Variants in CCDC171 observed in about 807,000 individuals in gnomAD.
CCDC171 encodes coiled-coil domain-containing protein 171.
CCDC171 carries 177 observed loss-of-function variants against 168.2 expected under a neutral mutation model. The ratio of observed to expected loss-of-function variants is 1.05; its 90% CI spans 0.93 to 1.19. CCDC171 has a LOEUF of 1.19. Ranked by LOEUF, CCDC171 falls within the 50% of genes most tolerant of loss-of-function variation. The probability of loss-of-function intolerance (pLI) is 0.00; values close to 1 mark genes in which losing one functional copy is unlikely to be tolerated. For missense variants in CCDC171, 1,991 were observed against 1,539.0 expected (o/e 1.29, Z -4.91); for synonymous variants, 687 against 540.8 (o/e 1.27, Z -3.75).
At chr9:16,010,522 C>T (rs1385449289) in intron 3 of CCDC171, among the ~76,000 whole-genome samples, 1 of 152,038 alleles carries the variant, frequency 6.6e-6, no homozygotes, top group East Asian at 1.9e-4. Context: ...CCCTCTCGCT[C>T]CCCCTCAGTG....
Position 15,590,775 on chromosome 9 carries a change from T to C in CCDC171, c.353-591T>C, listed in dbSNP as rs866511256. ...TTTTTTCTTCTTTCTTTCTTTCTCT[T>C]TCTTTCTTTCTTTCTTTCTTTCTTT... On this transcript the variant is annotated intron_variant, in intron 4 of 25. Transcript: ENST00000380701. 4.4e-3 allele frequency among the ~76,000 whole-genome samples: 370 copies of C among 84,818 alleles called. 1 individual carries two copies. The highest frequency in any genetic ancestry group is 0.012 in the African/African-American group (259 of 20,896). The allele number at this position is 84,818 out of a possible 152,430, so 55.6% of individuals were successfully genotyped here.
intron 20 of CCDC171, among the ~76,000 whole-genome samples, chr9:15,779,702 G>A (rs913363689): frequency 3.9e-4 from 60 of 152,276 alleles, no homozygotes; most frequent in African/African-American, 1.3e-3. Flanking sequence ...ATTAGATTAT[G>A]TAGTATGAAA....
At chr9:15,569,021 A>G (rs1382141140) in intron 2 of CCDC171, among the ~76,000 whole-genome samples, 1 of 152,158 alleles carries the variant, frequency 6.6e-6, no homozygotes, top group Non-Finnish European at 1.5e-5. Flanking sequence ...AGGGATTTTT[A>G]TAGTCAAACA....
intron 24 of CCDC171, among the ~76,000 whole-genome samples, chr9:15,894,427 TTAAAAGA>T (rs1820627815): frequency 6.6e-6 from 1 of 151,982 alleles, no homozygotes; most frequent in Admixed American, 6.6e-5. Context: ...AACCCTAAAC[TTAAAAGA>T]TAAAAAAAGA....
chr9:15,574,248 G>C (rs761994256), intron 3 of CCDC171, among the ~76,000 whole-genome samples: 1 of 151,764 alleles, frequency 6.6e-6, no homozygotes, highest in Non-Finnish European at 1.5e-5. Context: ...AGGTTCAAGC[G>C]TTCCTCCTGC....
At chr9:15,913,887 A>G (rs928716838) in intron 24 of CCDC171, among the ~76,000 whole-genome samples, 1 of 152,132 alleles carries the variant, frequency 6.6e-6, no homozygotes, top group Admixed American at 6.5e-5. Context: ...TTTTCCTTCT[A>G]ACAGTCAGGT....
At chr9:15,907,369 C>G (rs182924251) in intron 24 of CCDC171, among the ~76,000 whole-genome samples, 102 of 152,326 alleles carry the variant, frequency 6.7e-4, no homozygotes, top group African/African-American at 2.3e-3. Flanking sequence ...CTACAACCAT[C>G]TGATCTTTGA....
At chr9:15,765,307 A>C (rs2056661928) in intron 18 of CCDC171, among the ~76,000 whole-genome samples, 1 of 152,120 alleles carries the variant, frequency 6.6e-6, no homozygotes, top group Non-Finnish European at 1.5e-5. Context: ...TTTTTGTTTT[A>C]AGATGAGGGG....
chr9:15,666,357 C>G, intron 9 of CCDC171, 34 bp downstream of exon 9: 1 of 1,461,402 alleles, frequency 6.8e-7, no homozygotes, highest in Non-Finnish European at 9.4e-7. Context: ...TCTAAATTAA[C>G]ATAAAGATTT....
chr9:15,877,541 A>G (rs1335885652), intron 24 of CCDC171, among the ~76,000 whole-genome samples: 1 of 152,018 alleles, frequency 6.6e-6, no homozygotes, highest in Non-Finnish European at 1.5e-5. Context: ...TTACTTTTCC[A>G]TGGCATAGGA....
At chr9:16,104,434 CTT>C in the CCDC171 span, among the ~76,000 whole-genome samples, 1 of 152,262 alleles carries the variant, frequency 6.6e-6, no homozygotes, top group East Asian at 1.9e-4. Flanking sequence ...TCTTCCCAGC[CTT>C]TCTCTTTGGC....
intron 7 of CCDC171, among the ~76,000 whole-genome samples, chr9:15,645,581 C>T (rs901837788): frequency 3.3e-5 from 5 of 152,020 alleles, no homozygotes; most frequent in African/African-American, 7.2e-5. Context: ...AACCATGGCA[C>T]GAGAACTACG....
intron 6 of CCDC171, among the ~76,000 whole-genome samples, chr9:15,595,943 CTTCTT>C (rs2042314729): frequency 6.6e-6 from 1 of 152,142 alleles, no homozygotes; most frequent in South Asian, 2.1e-4. Flanking sequence ...GCAGAAATGT[CTTCTT>C]TTGAGAAGTG....
At position 15,791,170 on chromosome 9, in the gene CCDC171, G is replaced by C. The variant is rs199643724; in HGVS notation, c.3267+6476G>C. On this transcript the variant is annotated intron_variant, in intron 21 of 25. Coordinates refer to ENST00000380701, the MANE Select transcript of CCDC171 (RefSeq NM_173550.4). ...TAGCTTGATGGGGATGGCACTGAAT[G>C]TATAAATTACCTTGGGCGGTATGGC... Among the ~76,000 whole-genome samples, 235 of 152,088 alleles carry C rather than the reference G, an allele frequency of 1.5e-3. 2 individuals are homozygous for C. Among genetic ancestry groups the C allele is most frequent in the Non-Finnish European group, 7.4e-4 (50 of 68,016 alleles).
intron 5 of CCDC171, chr9:16,022,620 T>C (rs1379108901): frequency 1.3e-5 from 2 of 152,268 alleles, no homozygotes; most frequent in African/African-American, 4.8e-5. Flanking sequence ...ATGTAATTGC[T>C]TTATATTCCC....
At chr9:16,030,572 G>A (rs566268507) in intron 6 of CCDC171, among the ~76,000 whole-genome samples, 1 of 152,306 alleles carries the variant, frequency 6.6e-6, no homozygotes, top group South Asian at 2.1e-4. Context: ...AAGTAGCAGT[G>A]TGTATGGTAT....
intron 11 of CCDC171, among the ~76,000 whole-genome samples, chr9:15,713,820 G>A (rs1478731303): frequency 6.6e-6 from 1 of 151,716 alleles, no homozygotes; most frequent in East Asian, 1.9e-4. Flanking sequence ...ATGAAGTGGA[G>A]CATGTGAGAT....
intron 4 of CCDC171, among the ~76,000 whole-genome samples, chr9:15,588,096 G>A (rs1197840827): frequency 6.6e-6 from 1 of 152,092 alleles, no homozygotes; most frequent in Non-Finnish European, 1.5e-5. Flanking sequence ...TTAGCCAGGC[G>A]TGGTGGCAAG....
chr9:16,106,730 C>G, the CCDC171 span, among the ~76,000 whole-genome samples: 4 of 152,088 alleles, frequency 2.6e-5, no homozygotes, highest in African/African-American at 9.7e-5. Context: ...TCATTTGTAT[C>G]TCATTAGAAT....
Sources: gnomAD v4.1 joint callset for allele counts (sites outside exome capture counted in the v4.1 genomes callset) on GRCh38, gnomAD v4.1.1 for gene constraint, MANE v1.5 for transcripts, NCBI Gene and HGNC (gene_info 2026-07-23, HGNC 2026-07-21) for gene names.